The following PIGG variants were observed in gnomAD, a reference collection of about 807,000 sequenced individuals.
PIGG encodes the protein GPI ethanolamine phosphate transferase 2, catalytic subunit.
A neutral mutation model predicts 83.2 loss-of-function variants in PIGG; 70 were observed. The ratio of observed to expected loss-of-function variants is 0.84; its 90% CI spans 0.69 to 1.03. PIGG has a LOEUF of 1.03. PIGG is among the 50% of genes least tolerant of loss of function. PIGG has a pLI of 0.00. For missense variants in PIGG, 1,257 were observed against 1,233.6 expected (o/e 1.02, Z -0.28); for synonymous variants, 532 against 519.5 (o/e 1.02, Z -0.33).
chr4:527,089 T>C lies in PIGG; in HGVS notation c.2120T>C (p.Val707Ala), dbSNP rs941211137. ...GTCCTGGCTGCCCTCTCCCTCCTCG[T>C]AGTTTTTGTGCTGGTGCAGAGGGGG... ...LSVLAALSLL[V>A]VFVLVQRGCS... Residue 707 changes from valine to alanine, a missense_variant, in exon 10 of 13, where the codon GTA becomes GCA. Val to Ala is a moderately conservative substitution (Grantham distance 64). Transcript: ENST00000453061. 2.5e-6 allele frequency: 4 copies of C among 1,613,990 alleles called. No individual in the cohort carries two copies. The highest frequency in any genetic ancestry group is 3.4e-6 in the Non-Finnish European group (4 of 1,179,918).
At chr4:535,083 C>T (rs961617239) in intron 12 of PIGG, among the ~76,000 whole-genome samples, 1 of 152,234 alleles carries the variant, frequency 6.6e-6, no homozygotes, top group South Asian at 2.1e-4. Flanking sequence ...GGGCTTCACC[C>T]GCTCTGTTCA....
intron 2 of PIGG, among the ~76,000 whole-genome samples, chr4:502,492 C>T (rs887564408): frequency 1.9e-4 from 29 of 152,326 alleles, no homozygotes; most frequent in African/African-American, 5.3e-4. Flanking sequence ...TGTAACCAGA[C>T]GCCAACCCTG....
chr4:535,450 A>AAACCGCGC (rs1560383451), intron 12 of PIGG, among the ~76,000 whole-genome samples: 1 of 103,558 alleles, frequency 9.7e-6, no homozygotes, highest in African/African-American at 4.9e-5. Flanking sequence ...CCTCCCGGGC[A>AAACCGCGC]GGCGAGCGTC....
rs782697971 is a variant in PIGG, at chr4:505,869, C to G, written c.512C>G (p.Pro171Arg). ...GATGAAACCTGGGTTAAATTATTCC[C>G]AAAGCATTTTGTGGAATATGATGGA... is the stretch of plus-strand genomic sequence containing the variant. ...YGDETWVKLF[P>R]KHFVEYDGTT... is the part of the protein sequence containing the mutation. The change falls in exon 3 of 13, where the codon CCA (proline) becomes CGA (arginine). Residue 171 changes from proline (P) to arginine (R), a missense_variant. By Grantham distance (103) the Pro-to-Arg change is moderately radical. Transcript: ENST00000453061. 1.2e-6 allele frequency: 2 copies of G among 1,612,948 alleles called. No individual in the cohort carries two copies. The highest frequency in any genetic ancestry group is 1.3e-5 in the African/African-American group (1 of 74,538).
In PIGG at chr4:523,527, C is replaced by T. The variant is rs376774775; in HGVS notation, c.1683C>T (p.His561=). Residue 561 remains histidine, a synonymous_variant, in exon 9 of 13, where the codon CAC becomes CAT. Transcript: ENST00000453061. ...TTATTCTGTTGGGGACGGCGGGCCA[C>T]GTCTTGAGCCTGGGCGCCAGCAGCT... The part of the protein sequence containing the change: ...DLLILLGTAG[H]VLSLGASSFV... The T allele has an allele frequency of 2.2e-5, 35 of 1,614,040 alleles. No homozygotes were observed. Among genetic ancestry groups the T allele is most frequent in the African/African-American group, 4.0e-5 (3 of 74,928 alleles).
chr4:499,324 A>G lies in PIGG; in HGVS notation c.-12A>G. The G allele has an allele frequency of 6.2e-7, 1 of 1,605,510 alleles. No homozygotes were observed. The highest frequency in any genetic ancestry group is 8.5e-7 in the Non-Finnish European group (1 of 1,179,630). ...GTGGGGTCGGTTCCGCATCCAGCCT[A>G]GCGTGTCCACGATGCGGCTGGGCTC... On this transcript the variant is annotated 5_prime_UTR_variant, in exon 1 of 13. Coordinates refer to ENST00000453061, the MANE Select transcript of PIGG (RefSeq NM_001127178.3).
chr4:508,767 C>T (rs1720821751), intron 4 of PIGG, 62 bp from the exon 5 acceptor site: 1 of 1,510,776 alleles, frequency 6.6e-7, no homozygotes, highest in Admixed American at 1.9e-5. Flanking sequence ...AAATTGTCTT[C>T]TTAAGATGAT....
intron 6 of PIGG, among the ~76,000 whole-genome samples, chr4:520,523 G>C (rs1372329946): frequency 6.6e-6 from 1 of 152,226 alleles, no homozygotes; most frequent in Non-Finnish European, 1.5e-5. Flanking sequence ...CCAGGCTGCA[G>C]AACGGGGGAC....
intron 12 of PIGG, among the ~76,000 whole-genome samples, chr4:534,665 C>T (rs1165218601): frequency 6.6e-6 from 1 of 152,244 alleles, no homozygotes; most frequent in Non-Finnish European, 1.5e-5. Context: ...GTCTCCTCTC[C>T]AACACCCACC....
chr4:530,972 C>T (rs77439925), intron 11 of PIGG: 1 of 528,696 alleles, frequency 1.9e-6, no homozygotes, highest in Non-Finnish European at 3.3e-6. Context: ...TGCTGCTTTG[C>T]TGGGCCAGGC....
intron 9 of PIGG, among the ~76,000 whole-genome samples, 176 bp downstream of exon 9, chr4:524,089 A>G (rs893726691): frequency 2.0e-5 from 3 of 152,264 alleles, no homozygotes; most frequent in Admixed American, 6.5e-5. Flanking sequence ...ACTAGAATCA[A>G]TGTTGAGAAG....
chr4:524,330 G>A (rs564848151), intron 9 of PIGG, among the ~76,000 whole-genome samples: 2 of 152,324 alleles, frequency 1.3e-5, no homozygotes, highest in African/African-American at 2.4e-5. Context: ...TTGCTATAAA[G>A]AAACACCTGA....
intron 12 of PIGG, among the ~76,000 whole-genome samples, chr4:535,216 A>G (rs758143442): frequency 1.3e-5 from 2 of 151,876 alleles, no homozygotes; most frequent in Non-Finnish European, 2.9e-5. Flanking sequence ...AAGTTATTCG[A>G]CTCACATGTG....
intron 3 of PIGG, among the ~76,000 whole-genome samples, chr4:506,241 T>C (rs1211154198): frequency 6.6e-6 from 1 of 151,640 alleles, no homozygotes; most frequent in South Asian, 2.1e-4. Flanking sequence ...GATGGGTGAG[T>C]GGGGACTCCC....
intron 6 of PIGG, 87 bp downstream of exon 6, chr4:516,272 G>A (rs1258153093): frequency 2.5e-5 from 21 of 836,624 alleles, no homozygotes; most frequent in Non-Finnish European, 3.9e-5. Flanking sequence ...GTGGTATGCA[G>A]TTTGTCACAG....
chr4:534,042 G>A lies in PIGG; in HGVS notation c.2735+61G>A, dbSNP rs369544774. On this transcript the variant is annotated intron_variant, in intron 12 of 12. Coordinates refer to ENST00000453061, the MANE Select transcript of PIGG (RefSeq NM_001127178.3). ...GGCCGGCTGCCTGGTTTTAAGGGTC[G>A]TACTTTGTTCCAGATGCAAGGGGGT... The A allele has an allele frequency of 1.4e-4, 203 of 1,493,854 alleles. 1 individual carries two copies. In the South Asian group the frequency reaches 1.4e-3, roughly 10 times the overall value. The allele number at this position is 1,493,854 out of a possible 1,614,324, so 92.5% of individuals were successfully genotyped here. A position where few individuals can be genotyped will look rare whatever the true frequency, so the allele number is the denominator to read the frequency against.
chr4:525,163 T>C, intron 9 of PIGG: 1 of 983,698 alleles, frequency 1.0e-6, no homozygotes, highest in Non-Finnish European at 1.2e-6. Flanking sequence ...TCTCTCCTCA[T>C]CCTGAAGGGA....
chr4:499,413 ATTCTTCCCGGCTCCCG>A lies in PIGG; in HGVS notation c.82_97del (p.Phe28ValfsTer40). ...TAGGGATCGCGGTCTTCCTTCGGGG[ATTCTTCCCGGCTCCCG>A]TTCGTTCCTCTGCCAGAGCGGAACA... On this transcript the variant is annotated frameshift_variant, in exon 1 of 13. Coordinates refer to ENST00000453061, the MANE Select transcript of PIGG (RefSeq NM_001127178.3). LOFTEE classifies it high-confidence loss of function. 1 of 1,608,798 alleles carries A rather than the reference ATTCTTCCCGGCTCCCG, an allele frequency of 6.2e-7. No individual in the cohort carries two copies. The highest frequency in any genetic ancestry group is 8.5e-7 in the Non-Finnish European group (1 of 1,179,804).
At chr4:506,420 G>A (rs1553879303) in intron 3 of PIGG, among the ~76,000 whole-genome samples, 1 of 152,170 alleles carries the variant, frequency 6.6e-6, no homozygotes, top group African/African-American at 2.4e-5. Flanking sequence ...ACAAAAATTA[G>A]ACCTGCATGT....
Sources: allele counts gnomAD v4.1 joint callset (sites outside exome capture counted in the v4.1 genomes callset), GRCh38; gene constraint gnomAD v4.1.1; transcripts MANE v1.5; gene names NCBI Gene and HGNC (gene_info 2026-07-23, HGNC 2026-07-21).